KLC1: variants seen among roughly 807,000 people sequenced by gnomAD.
The protein encoded by KLC1 is kinesin 2 60/70kDa.
KLC1 carries 30 observed loss-of-function variants against 84.2 expected under a neutral mutation model. That is an observed-to-expected ratio of 0.36 (90% CI 0.27 to 0.48). The LOEUF (loss-of-function observed/expected upper bound fraction) is 0.48. Among genes scored for constraint, KLC1 ranks in the 20% least tolerant of loss-of-function variants. The probability of loss-of-function intolerance (pLI) is 0.99; values close to 1 mark genes in which losing one functional copy is unlikely to be tolerated. For missense variants in KLC1, 499 were observed against 805.4 expected, an observed-to-expected ratio of 0.62 and a Z score of 4.60; for synonymous variants, 289 against 293.3, an observed-to-expected ratio of 0.99 and a Z score of 0.15.
In KLC1 at chr14:103,692,441, C is replaced by T. The variant is rs1264087698; in HGVS notation, c.1848+16C>T. ...TCGCTTTCAAGTAAGGAGCCTACCCCGAATTGTGTCCTAGGCTGCCCAGAC... is the reference window on the plus strand; with the variant it reads ...TCGCTTTCAAGTAAGGAGCCTACCCTGAATTGTGTCCTAGGCTGCCCAGAC... On this transcript the variant is annotated intron_variant, in intron 15 of 16. Transcript: ENST00000334553. 15 of 1,535,888 alleles carry T rather than the reference C, an allele frequency of 9.8e-6. No homozygotes were observed. Among genetic ancestry groups the T allele is most frequent in the Middle Eastern group, 1.7e-4 (1 of 6,018 alleles).
chr14:103,692,264 A>G (rs773135782), intron 14 of KLC1, 95 bp from the exon 15 acceptor site: 75 of 1,146,486 alleles, frequency 6.5e-5, no homozygotes, highest in Non-Finnish European at 9.2e-5. Flanking sequence ...CCCCAGTGTC[A>G]CAGAGGCGTT....
intron 1 of KLC1, among the ~76,000 whole-genome samples, chr14:103,652,680 C>CG (rs1567016168): frequency 6.6e-6 from 1 of 151,982 alleles, no homozygotes; most frequent in African/African-American, 2.4e-5. Flanking sequence ...TTAGTAGAGA[C>CG]GGGGGTTTCA....
chr14:103,701,169 G>A, intron 16 of KLC1, 32 bp from the exon 17 acceptor site: 1 of 1,549,958 alleles, frequency 6.5e-7, no homozygotes, highest in Non-Finnish European at 8.7e-7. Context: ...GGTTTTGGCG[G>A]CCCAGCCCTG....
chr14:103,694,736 G>C lies in KLC1; in HGVS notation c.1848+2311G>C. On this transcript the variant is annotated intron_variant, in intron 15 of 16. Transcript: ENST00000334553. This position sits in a 1 kb window ranked among gnomAD's most constrained non-coding sequence, Gnocchi z 4.5. ...GCTTGCCACTGTCATGTAACAGGGT[G>C]GGTGGTGGCACAGCAGAGGCTCACA... is the stretch of plus-strand genomic sequence containing the variant. 2 of 985,484 alleles carry C rather than the reference G, an allele frequency of 2.0e-6. No individual in the cohort carries two copies. Among genetic ancestry groups the C allele is most frequent in the Non-Finnish European group, 2.4e-6 (2 of 829,940 alleles). 61.0% of individuals were successfully genotyped at this position (985,484 alleles called of 1,614,324 possible). A position where few individuals can be genotyped will look rare whatever the true frequency, so the allele number is the denominator to read the frequency against.
chr14:103,685,910 A>C, intron 13 of KLC1: 1 of 1,124,176 alleles, frequency 8.9e-7, no homozygotes, highest in Non-Finnish European at 1.1e-6. Context: ...ACGAGTTTAA[A>C]AATTAAGAGC....
intron 1 of KLC1, among the ~76,000 whole-genome samples, chr14:103,654,166 C>T (rs1015684136): frequency 1.3e-5 from 2 of 152,174 alleles, no homozygotes; most frequent in Non-Finnish European, 2.9e-5. Flanking sequence ...CTTTTCAAGC[C>T]TTTGTCCAGT....
intron 5 of KLC1, among the ~76,000 whole-genome samples, chr14:103,665,386 C>A (rs1156498455): frequency 6.6e-6 from 1 of 151,816 alleles, no homozygotes; most frequent in Non-Finnish European, 1.5e-5. Flanking sequence ...TCTTTTCTTT[C>A]TTTCTGTCTG....
At chr14:103,657,114 T>G (rs544446923) in intron 2 of KLC1, among the ~76,000 whole-genome samples, 2 of 152,314 alleles carry the variant, frequency 1.3e-5, no homozygotes, top group East Asian at 3.9e-4. Context: ...TGCACTGTTC[T>G]CTGACCCCCA....
At chr14:103,651,871 G>C (rs1410339833) in intron 1 of KLC1, among the ~76,000 whole-genome samples, 1 of 152,134 alleles carries the variant, frequency 6.6e-6, no homozygotes, top group Non-Finnish European at 1.5e-5. Flanking sequence ...CTTCTGTCTG[G>C]CCTTCGTCTC....
rs2082806561 is a variant in KLC1 at position 103,698,819 on chromosome 14, T to G, written c.1849-1836T>G. ...CGTGTCAGTGGGACTGGGTCCCAGG[T>G]GTCCCTCGCACCCCTTCGGCACTGA... is the stretch of plus-strand genomic sequence containing the variant. On this transcript the variant is annotated intron_variant, in intron 15 of 16. Coordinates refer to ENST00000334553, the MANE Select transcript of KLC1 (RefSeq NM_001394837.1). 1.9e-6 allele frequency: 3 copies of G among 1,602,560 alleles called. No individual in the cohort carries two copies. Among genetic ancestry groups the G allele is most frequent in the Middle Eastern group, 1.7e-4 (1 of 5,776 alleles).
intron 1 of KLC1, among the ~76,000 whole-genome samples, chr14:103,643,266 C>T (rs2077630573): frequency 6.6e-6 from 1 of 152,174 alleles, no homozygotes; most frequent in Non-Finnish European, 1.5e-5. Context: ...TAACTTTCCC[C>T]ATCTCCTTGG....
chr14:103,635,891 T>G (rs919242436), intron 1 of KLC1, among the ~76,000 whole-genome samples: 3 of 152,198 alleles, frequency 2.0e-5, no homozygotes, highest in Non-Finnish European at 2.9e-5. Flanking sequence ...TTTTTTTGCT[T>G]CGCGGTATAA....
intron 5 of KLC1, among the ~76,000 whole-genome samples, chr14:103,664,003 A>G (rs2079529308): frequency 6.6e-6 from 1 of 152,224 alleles, no homozygotes; most frequent in South Asian, 2.1e-4. Context: ...CTGTTATAAC[A>G]ACACTATTTA....
intron 1 of KLC1, among the ~76,000 whole-genome samples, chr14:103,633,423 G>A (rs2076833790): frequency 6.6e-6 from 1 of 152,166 alleles, no homozygotes. Flanking sequence ...GGTGGGGCAG[G>A]TGCTGTGAAC....
At chr14:103,686,262 T>A (rs1428696882) in intron 13 of KLC1, 2 of 979,538 alleles carry the variant, frequency 2.0e-6, no homozygotes, top group Admixed American at 1.2e-4. Context: ...GTAGAACTTC[T>A]CACTCTTTAT....
At chr14:103,700,920 G>T (rs966349546) in intron 16 of KLC1, among the ~76,000 whole-genome samples, 193 bp downstream of exon 16, 1 of 152,200 alleles carries the variant, frequency 6.6e-6, no homozygotes, top group Non-Finnish European at 1.5e-5. Context: ...GTGGGGGGGT[G>T]GGAATGGCAC....
Position 103,700,688 on chromosome 14 carries a change from C to T in KLC1, c.1882C>T (p.Arg628Ter), listed in dbSNP as rs3212101. The part of the protein sequence containing the change: ...VSGRASFCGK[R>*]QQQQWPGRRH... ...TGGCCGAGCCTCTTTTTGTGGAAAA[C>T]GACAGCAGCAGCAGTGGCCTGGAAG... The change falls in exon 16 of 17, where the codon CGA becomes TGA. Residue 628 changes from arginine (R) to a stop codon, truncating the protein, a stop_gained. Coordinates refer to ENST00000334553, the MANE Select transcript of KLC1 (RefSeq NM_001394837.1). LOFTEE classifies it high-confidence loss of function. The T allele has an allele frequency of 4.0e-5, 64 of 1,606,706 alleles. 1 individual carries two copies. In the East Asian group the frequency reaches 4.1e-4, roughly 10 times the overall value.
At chr14:103,665,435 C>G (rs1264094558) in intron 5 of KLC1, among the ~76,000 whole-genome samples, 3 of 151,924 alleles carry the variant, frequency 2.0e-5, no homozygotes, top group Admixed American at 1.3e-4. Flanking sequence ...TTGTCCTGTC[C>G]TGTCCTGTCT....
chr14:103,660,584 T>G (rs1595403428), intron 3 of KLC1, among the ~76,000 whole-genome samples: 1 of 150,128 alleles, frequency 6.7e-6, no homozygotes, highest in Non-Finnish European at 1.5e-5. Flanking sequence ...AGGCCAGGAG[T>G]TCAAGACCAG....
Sources: gnomAD v4.1 joint callset for allele counts (sites outside exome capture counted in the v4.1 genomes callset) on GRCh38, gnomAD v4.1.1 for gene constraint, Gnocchi (gnomAD v3.1) non-coding constraint, MANE v1.5 for transcripts, NCBI Gene and HGNC (gene_info 2026-07-23, HGNC 2026-07-21) for gene names.